TTN: variants seen among roughly 807,000 people sequenced by gnomAD.
TTN encodes the protein connectin.
In TTN, 1,525 loss-of-function variants were observed where a neutral mutation model predicts 3,223.0. The observed-to-expected ratio is 0.47, with a 90% CI of 0.45 to 0.49. TTN has a LOEUF of 0.49. Among genes scored for constraint, TTN ranks in the 20% least tolerant of loss-of-function variants. TTN has a pLI of 0.00. For missense variants in TTN, 40,786 were observed against 43,424.0 expected (o/e 0.94, Z 5.40); for synonymous variants, 14,094 against 15,161.0 (o/e 0.93, Z 5.17).
At chr2:178,672,884 A>G (rs1159563262) in intron 152 of TTN, among the ~76,000 whole-genome samples, 181 bp from the exon 153 acceptor site, 1 of 151,860 alleles carries the variant, frequency 6.6e-6, no homozygotes, top group Non-Finnish European at 1.5e-5. Flanking sequence ...TTGTTCTAAC[A>G]TTCCTATAGA....
intron 166 of TTN, 27 bp from the exon 167 acceptor site, chr2:178,664,764 T>C: frequency 6.2e-7 from 1 of 1,611,690 alleles, no homozygotes; most frequent in Non-Finnish European, 8.5e-7. Context: ...GTTTTATGTT[T>C]AGTGTTATGC....
rs374967916 is a variant in TTN at position 178,773,681 on chromosome 2, C to T, written c.7375G>A (p.Gly2459Ser). The T allele has an allele frequency of 4.1e-5, 66 of 1,613,926 alleles. No individual in the cohort carries two copies. Among genetic ancestry groups the T allele is most frequent in the Non-Finnish European group, 5.3e-5 (62 of 1,179,972 alleles). Residue 2459 changes from glycine to serine, a missense_variant, in exon 32 of 363, where the codon GGC becomes AGC. By Grantham distance (56) the Gly-to-Ser change is moderately conservative. Coordinates refer to ENST00000589042, the MANE Select transcript of TTN (RefSeq NM_001267550.2). ...TPLKDVNVIEGTKAVLECKVS... is the reference protein window; with the variant it reads ...TPLKDVNVIESTKAVLECKVS... ...TTACATTCAAGCACAGCCTTGGTGCCTTCAATCACATTAACATCTTTTAGA... is the reference window on the plus strand; with the variant it reads ...TTACATTCAAGCACAGCCTTGGTGCTTTCAATCACATTAACATCTTTTAGA...
rs767735020 is a variant in TTN, at chr2:178,732,127, A to G, written c.16842T>C (p.Tyr5614=). The change falls in exon 57 of 363, where the codon TAT becomes TAC. Residue 5614 remains tyrosine, a synonymous_variant. Transcript: ENST00000589042. ...TDVGIEDSGE[Y]MCEAQNEAGS... ...CAGCCTCATTTTGGGCCTCACACAT[A>G]TATTCACCACTGTCTTCGATGCCAA... 6.2e-7 allele frequency: 1 copy of G among 1,613,738 alleles called. No homozygotes were observed. Among genetic ancestry groups the G allele is most frequent in the Non-Finnish European group, 8.5e-7 (1 of 1,179,732 alleles).
At position 178,645,962 on chromosome 2, in the gene TTN, G is replaced by A; in HGVS notation, c.40366C>T (p.Pro13456Ser). The A allele has an allele frequency of 6.3e-7, 1 of 1,589,228 alleles. No homozygotes were observed. The highest frequency in any genetic ancestry group is 8.5e-7 in the Non-Finnish European group (1 of 1,170,078). The part of the protein sequence containing the change: ...KPRPPPPPPA[P>S]PKEDVKEKIF... ...TTCTCCTTCACATCTTCCTTAGGTG[G>A]AGCAGGTGGAGGAGGTGGGGGTCTT... The change falls in exon 217 of 363, where the codon CCA (proline) becomes TCA (serine). Residue 13456 changes from proline to serine, a missense_variant. Transcript: ENST00000589042.
In TTN at chr2:178,777,777, T is replaced by C; in HGVS notation, c.4407A>G (p.Leu1469=). The C allele has an allele frequency of 6.2e-7, 1 of 1,614,080 alleles. No individual in the cohort carries two copies. The highest frequency in any genetic ancestry group is 8.5e-7 in the Non-Finnish European group (1 of 1,179,962). Residue 1469 remains leucine, a synonymous_variant, in exon 25 of 363, where the codon TTA becomes TTG. Coordinates refer to ENST00000589042, the MANE Select transcript of TTN (RefSeq NM_001267550.2). ...FVLKPVSFKC[L]EGQTARFDLK... is the part of the protein sequence containing the mutation. ...AGTCAAATCTGGCAGTTTGCCCTTC[T>C]AAACATTTGAAAGAAACAGGTTTTA...
At chr2:178,716,115 C>T (rs1560619072) in intron 88 of TTN, among the ~76,000 whole-genome samples, 1 of 152,126 alleles carries the variant, frequency 6.6e-6, no homozygotes, top group East Asian at 1.9e-4. Context: ...CTGAGGTCCA[C>T]GGGGAATGAG....
At chr2:178,651,613 A>G in intron 206 of TTN, 53 bp downstream of exon 206, 1 of 1,612,078 alleles carries the variant, frequency 6.2e-7, no homozygotes. Flanking sequence ...ACAGTAGAAT[A>G]TGACACTTCA....
chr2:178,697,989 C>A (rs2074019984), intron 112 of TTN, among the ~76,000 whole-genome samples: 1 of 152,068 alleles, frequency 6.6e-6, no homozygotes, highest in African/African-American at 2.4e-5. Context: ...TGGAAACACC[C>A]TAAGTGTCCA....
chr2:178,672,476 C>T lies in TTN; in HGVS notation c.34861G>A (p.Glu11621Lys), dbSNP rs372366633. Residue 11621 changes from glutamate (E) to lysine (K), a missense_variant, in exon 154 of 363, where the codon GAA becomes AAA. Glu to Lys is a moderately conservative substitution (Grantham distance 56). Coordinates refer to ENST00000589042, the MANE Select transcript of TTN (RefSeq NM_001267550.2). ...KKEAPPAKVP[E>K]VPKKVPEKKV... ...TTTTCTGGGACTTTCTTTGGTACTT[C>T]AGGCACTTTAAAGATACAGTTTTAA... 1 of 1,599,412 alleles carries T rather than the reference C, an allele frequency of 6.3e-7. No homozygotes were observed. Among genetic ancestry groups the T allele is most frequent in the African/African-American group, 1.4e-5 (1 of 73,704 alleles).
At chr2:178,805,154 C>G (rs1427086069) in intron 1 of TTN, among the ~76,000 whole-genome samples, 2 of 151,652 alleles carry the variant, frequency 1.3e-5, no homozygotes, top group Non-Finnish European at 2.9e-5. Flanking sequence ...ACCAGTTTGG[C>G]TAACATGGTG....
chr2:178,642,154 A>G (rs1234055891), intron 219 of TTN, 83 bp downstream of exon 219: 9 of 1,208,278 alleles, frequency 7.4e-6, no homozygotes, highest in Non-Finnish European at 1.0e-5. Flanking sequence ...AAAGAAAACC[A>G]AAGGACAGAA....
At position 178,602,355 on chromosome 2, in the gene TTN, C is replaced by T. The variant is rs267599046; in HGVS notation, c.55047G>A (p.Val18349=). Reference sequence around the variant, plus strand: ...ATTCACCAGCTTCATTGACAGCTTTCACTCTGAATCTGTACTTCCTGAGCT... The same window carrying T: ...ATTCACCAGCTTCATTGACAGCTTTTACTCTGAATCTGTACTTCCTGAGCT... ...LKELRKYRFR[V]KAVNEAGESE... The change falls in exon 283 of 363, where the codon GTG becomes GTA. Residue 18349 remains valine, a synonymous_variant. Coordinates refer to ENST00000589042, the MANE Select transcript of TTN (RefSeq NM_001267550.2). The T allele has an allele frequency of 6.2e-7, 1 of 1,612,936 alleles. No individual in the cohort carries two copies. The highest frequency in any genetic ancestry group is 8.5e-7 in the Non-Finnish European group (1 of 1,179,330).
chr2:178,728,273 A>G lies in TTN; in HGVS notation c.19551T>C (p.Asp6517=), dbSNP rs1441350646. The change falls in exon 67 of 363, where the codon GAT becomes GAC. Residue 6517 remains aspartate, a synonymous_variant. Coordinates refer to ENST00000589042, the MANE Select transcript of TTN (RefSeq NM_001267550.2). Reference sequence around the variant, plus strand: ...TTGCACTTGTAGATATTTCTTTTCCATCCTTAAACCACTGAGCACTAATGG... The same window carrying G: ...TTGCACTTGTAGATATTTCTTTTCCGTCCTTAAACCACTGAGCACTAATGG... ...SLPISAQWFK[D]GKEISTSAKY... 6.2e-7 allele frequency: 1 copy of G among 1,613,286 alleles called. No individual in the cohort carries two copies. Among genetic ancestry groups the G allele is most frequent in the Non-Finnish European group, 8.5e-7 (1 of 1,179,526 alleles).
In TTN at chr2:178,653,032, G is replaced by A. The variant is rs1431238326; in HGVS notation, c.38875+9C>T. On this transcript the variant is annotated intron_variant, in intron 199 of 362. Coordinates refer to ENST00000589042, the MANE Select transcript of TTN (RefSeq NM_001267550.2). ...CAGTCTTCTGAAGCCTAAAGCCAGT[G>A]ACAAATACCTTTAACAGGTGGGACT... 3 of 1,612,944 alleles carry A rather than the reference G, an allele frequency of 1.9e-6. No homozygotes were observed. The highest frequency in any genetic ancestry group is 2.5e-6 in the Non-Finnish European group (3 of 1,179,434).
At chr2:178,689,998 T>C (rs765666722) in intron 121 of TTN, 102 bp from the exon 122 acceptor site, 3 of 986,050 alleles carry the variant, frequency 3.0e-6, no homozygotes, top group Non-Finnish European at 4.7e-6. Flanking sequence ...AATGTTGTTA[T>C]GGATTATCTA....
At position 178,566,538 on chromosome 2, in the gene TTN, C is replaced by T. The variant is rs964829504; in HGVS notation, c.79594G>A (p.Glu26532Lys). 3.1e-6 allele frequency: 5 copies of T among 1,613,236 alleles called. No homozygotes were observed. Among genetic ancestry groups the T allele is most frequent in the Middle Eastern group, 3.3e-4 (2 of 6,082 alleles). ...YVVEICKADE[E>K]EWQIVTPQTG... ...TGTGGAGTAACTATTTGCCATTCTT[C>T]TTCATCTGCTTTACAGATTTCTACT... Residue 26532 changes from glutamate (E) to lysine (K), a missense_variant, in exon 326 of 363, where the codon GAA becomes AAA. Coordinates refer to ENST00000589042, the MANE Select transcript of TTN (RefSeq NM_001267550.2).
Position 178,546,454 on chromosome 2 carries a change from G to T in TTN, c.94877C>A (p.Thr31626Asn), listed in dbSNP as rs542160074. The T allele has an allele frequency of 6.2e-7, 1 of 1,613,646 alleles. No individual in the cohort carries two copies. The highest frequency in any genetic ancestry group is 8.5e-7 in the Non-Finnish European group (1 of 1,179,722). Residue 31626 changes from threonine to asparagine, a missense_variant, in exon 342 of 363, where the codon ACC (threonine) becomes AAC (asparagine). By Grantham distance (65) the Thr-to-Asn change is moderately conservative. Coordinates refer to ENST00000589042, the MANE Select transcript of TTN (RefSeq NM_001267550.2). ...AACAAGATCAGAACCTGCTCTGATG[G>T]TAACCAGATCACCGTGTAATCGGGC... ...LDARLHGDLV[T>N]IRAGSDLVLD...
At position 178,531,354 on chromosome 2, in the gene TTN, C is replaced by T. The variant is rs556741970; in HGVS notation, c.105261G>A (p.Thr35087=). ...SSVREVKSQM[T]ETRESLSSYE... ...ATGAGGAGAGACTTTCCCTTGTCTC[C>T]GTCATCTGTGATTTCACTTCCCTGA... is the stretch of plus-strand genomic sequence containing the variant. Residue 35087 remains threonine (T), a synonymous_variant, in exon 358 of 363, where the codon ACG becomes ACA. Transcript: ENST00000589042. 3.5e-5 allele frequency: 57 copies of T among 1,614,002 alleles called. No homozygotes were observed. Among genetic ancestry groups the T allele is most frequent in the Non-Finnish European group, 4.5e-5 (53 of 1,179,896 alleles).
Position 178,719,149 on chromosome 2 carries a change from T to C in TTN, c.24226+15A>G, listed in dbSNP as rs1560651815. On this transcript the variant is annotated intron_variant, in intron 83 of 362. Coordinates refer to ENST00000589042, the MANE Select transcript of TTN (RefSeq NM_001267550.2). ...AGGTGTTAGAGAAGCAGCAGCTTTATCCTTGCACACTGACCTTGCACAGTC... is the reference window on the plus strand; with the variant it reads ...AGGTGTTAGAGAAGCAGCAGCTTTACCCTTGCACACTGACCTTGCACAGTC... The C allele has an allele frequency of 6.2e-7, 1 of 1,603,604 alleles. No individual in the cohort carries two copies.
Sources: gnomAD v4.1 joint callset for allele counts (sites outside exome capture counted in the v4.1 genomes callset) on GRCh38, gnomAD v4.1.1 for gene constraint, MANE v1.5 for transcripts, NCBI Gene and HGNC (gene_info 2026-07-23, HGNC 2026-07-21) for gene names.